RYR2: variants seen among roughly 807,000 people sequenced by gnomAD.
RYR2 encodes the protein cardiac muscle ryanodine receptor-calcium release channel.
A neutral mutation model predicts 601.1 loss-of-function variants in RYR2; 227 were observed. The observed-to-expected ratio is 0.38, with a 90% CI of 0.34 to 0.42. The LOEUF is 0.42. RYR2 is among the 10% of genes least tolerant of loss of function. The pLI is 1.00. For missense variants in RYR2, 4,646 were observed against 6,156.5 expected (o/e 0.75, Z 8.21); for synonymous variants, 2,223 against 2,175.1 (o/e 1.02, Z -0.61).
chr1:237,764,612 A>G (rs1693701745), intron 84 of RYR2, among the ~76,000 whole-genome samples: 1 of 151,480 alleles, frequency 6.6e-6, no homozygotes, highest in African/African-American at 2.4e-5. Flanking sequence ...ACAATTGGCT[A>G]ATTTTTGTAT....
At chr1:237,582,923 G>GAGATATATATAT (rs373412605) in intron 29 of RYR2, among the ~76,000 whole-genome samples, 1 of 133,132 alleles carries the variant, frequency 7.5e-6, no homozygotes, top group Non-Finnish European at 1.6e-5. Context: ...TTTTCTTTTG[G>GAGATATATATAT]ATATATATAT....
At chr1:237,173,559 A>G (rs1677662543) in intron 1 of RYR2, among the ~76,000 whole-genome samples, 1 of 152,186 alleles carries the variant, frequency 6.6e-6, no homozygotes, top group Non-Finnish European at 1.5e-5. Flanking sequence ...TAAACTGAGG[A>G]TGCTTGTTGG....
intron 27 of RYR2, among the ~76,000 whole-genome samples, chr1:237,558,910 G>A (rs1021452983): frequency 1.3e-5 from 2 of 151,782 alleles, no homozygotes; most frequent in Non-Finnish European, 2.9e-5. Context: ...TTCAGGTACT[G>A]TGCTTATCAA....
rs576839382 is a variant in RYR2, at chr1:237,119,340, T to G, written c.48+76771T>G. Among the ~76,000 whole-genome samples the G allele has an allele frequency of 2.6e-5, 4 of 152,334 alleles. No individual in the cohort carries two copies. In the East Asian group the frequency reaches 7.7e-4, roughly 29 times the overall value. On this transcript the variant is annotated intron_variant, in intron 1 of 104. Transcript: ENST00000366574. The stretch of plus-strand genomic sequence containing the variant: ...GGACTGTGAGACAAGACGTTCCTAT[T>G]AAGTCAGTCAGTCTGTGGTACTTGG...
intron 1 of RYR2, among the ~76,000 whole-genome samples, chr1:237,107,981 G>T (rs532528949): frequency 6.6e-6 from 1 of 152,156 alleles, no homozygotes; most frequent in East Asian, 1.9e-4. Context: ...AAAAGGTTCC[G>T]GTCCTGAGCT....
At chr1:237,148,754 T>C (rs1674363567) in intron 1 of RYR2, among the ~76,000 whole-genome samples, 2 of 151,934 alleles carry the variant, frequency 1.3e-5, no homozygotes, top group South Asian at 4.1e-4. Flanking sequence ...TCCATTTTTC[T>C]CTCATAAAAA....
At chr1:237,325,137 GAC>G (rs1696025701) in intron 2 of RYR2, among the ~76,000 whole-genome samples, 1 of 152,224 alleles carries the variant, frequency 6.6e-6, no homozygotes, top group South Asian at 2.1e-4. Context: ...CAAGCTGAGT[GAC>G]AGTGTTGCGT....
intron 52 of RYR2, among the ~76,000 whole-genome samples, chr1:237,655,291 T>A (rs928229788): frequency 6.6e-6 from 1 of 152,194 alleles, no homozygotes; most frequent in African/African-American, 2.4e-5. Flanking sequence ...GTCATTAATA[T>A]ATAAATAGCT....
chr1:237,204,964 G>A (rs1372042673), intron 1 of RYR2, among the ~76,000 whole-genome samples: 1 of 152,176 alleles, frequency 6.6e-6, no homozygotes, highest in African/African-American at 2.4e-5. Flanking sequence ...TCAGGGTAAT[G>A]AGCCTCAGCA....
chr1:237,799,299 AG>A (rs1302042643), intron 97 of RYR2, among the ~76,000 whole-genome samples: 2 of 152,232 alleles, frequency 1.3e-5, no homozygotes, highest in African/African-American at 4.8e-5. Flanking sequence ...AACAAGAACT[AG>A]GGTGTGAGGC....
chr1:237,167,343 TAGAG>T (rs1263073843), intron 1 of RYR2, among the ~76,000 whole-genome samples: 1 of 152,216 alleles, frequency 6.6e-6, no homozygotes, highest in Admixed American at 6.5e-5. Context: ...ACTGGCTAGA[TAGAG>T]CGATAGTTAT....
rs1227860582 is a variant in RYR2 at position 237,274,012 on chromosome 1, AATAC to A, written c.168+3400_168+3403del. On this transcript the variant is annotated intron_variant, in intron 2 of 104. Coordinates refer to ENST00000366574, the MANE Select transcript of RYR2 (RefSeq NM_001035.3). Reference sequence around the variant, plus strand: ...TAATGTACATTCATGTTTATTAAGAAATACATATATATTTTATATTATATATAAT... The same window carrying A: ...TAATGTACATTCATGTTTATTAAGAAATATATATTTTATATTATATATAAT... 2.1e-5 allele frequency among the ~76,000 whole-genome samples: 3 copies of A among 146,150 alleles called. No individual in the cohort carries two copies. The Admixed American group carries it at 2.1e-4, about 10-fold the overall frequency.
At chr1:237,508,010 C>G (rs926779670) in intron 23 of RYR2, among the ~76,000 whole-genome samples, 2 of 152,144 alleles carry the variant, frequency 1.3e-5, no homozygotes, top group Non-Finnish European at 2.9e-5. Context: ...GTTACCCAGC[C>G]TGGAGTGCAG....
rs138138066 is a variant in RYR2, at chr1:237,819,242, A to G, written c.14590+50A>G. 3 of 1,542,330 alleles carry G rather than the reference A, an allele frequency of 1.9e-6. No homozygotes were observed. The highest frequency in any genetic ancestry group is 1.4e-5 in the African/African-American group (1 of 73,642). On this transcript the variant is annotated intron_variant, in intron 101 of 104. Transcript: ENST00000366574. The surrounding 1 kb of genome is among the most constrained non-coding windows in gnomAD (Gnocchi z 4.0). ...GATGAACATCTAGAATTTGAGCCAC[A>G]TGTTGCTGAAGTTAATATTCAAGGT...
intron 17 of RYR2, among the ~76,000 whole-genome samples, chr1:237,471,821 T>C (rs1195544826): frequency 6.6e-6 from 1 of 152,224 alleles, no homozygotes; most frequent in Admixed American, 6.5e-5. Context: ...GGAAGCCCTG[T>C]GCTCAGAGAT....
chr1:237,328,179 A>G (rs1275304499), intron 2 of RYR2, among the ~76,000 whole-genome samples: 1 of 152,202 alleles, frequency 6.6e-6, no homozygotes, highest in Non-Finnish European at 1.5e-5. Context: ...TCACCAGCAC[A>G]CCATTTGATA....
At chr1:237,209,178 A>G (rs187504934) in intron 1 of RYR2, among the ~76,000 whole-genome samples, 8 of 151,094 alleles carry the variant, frequency 5.3e-5, no homozygotes, top group Admixed American at 5.3e-4. Context: ...ACTATGATTC[A>G]GCCATATGAA....
chr1:237,074,896 G>A (rs1664813951), intron 1 of RYR2, among the ~76,000 whole-genome samples: 1 of 152,192 alleles, frequency 6.6e-6, no homozygotes, highest in Non-Finnish European at 1.5e-5. Flanking sequence ...CACCGATTTT[G>A]AAGCTGGTGT....
chr1:237,808,813 C>G lies in RYR2; in HGVS notation c.14299-88C>G, dbSNP rs1660943106. ...TCTAGTAAACACGGCTGTGTTCTCA[C>G]TAGAGCACTCGCCGCCCATGTAGAT... On this transcript the variant is annotated intron_variant, in intron 99 of 104. Coordinates refer to ENST00000366574, the MANE Select transcript of RYR2 (RefSeq NM_001035.3). The G allele has an allele frequency of 3.1e-6, 4 of 1,298,864 alleles. No individual in the cohort carries two copies. The Admixed American group carries it at 5.1e-5, about 16-fold the overall frequency. 80.5% of individuals were successfully genotyped at this position (1,298,864 alleles called of 1,614,324 possible).
Sources: allele counts gnomAD v4.1 joint callset (sites outside exome capture counted in the v4.1 genomes callset), GRCh38; gene constraint gnomAD v4.1.1; non-coding constraint Gnocchi (gnomAD v3.1); transcripts MANE v1.5; gene names NCBI Gene and HGNC (gene_info 2026-07-23, HGNC 2026-07-21).